Variants in NVL observed in about 807,000 individuals in gnomAD.
NVL encodes nuclear valosin-containing protein-like.
NVL carries 84 observed loss-of-function variants against 110.2 expected under a neutral mutation model. The observed-to-expected ratio is 0.76, with a 90% confidence interval of 0.64 to 0.91. The LOEUF (loss-of-function observed/expected upper bound fraction) is 0.91. Among genes scored for constraint, NVL ranks in the 40% least tolerant of loss-of-function variants. The pLI is 0.00. For missense variants in NVL, 882 were observed against 1,035.9 expected, an observed-to-expected ratio of 0.85 and a Z score of 2.04; for synonymous variants, 354 against 361.1, an observed-to-expected ratio of 0.98 and a Z score of 0.22.
chr1:224,272,589 C>T (rs1359191533), intron 17 of NVL, among the ~76,000 whole-genome samples: 1 of 151,748 alleles, frequency 6.6e-6, no homozygotes, highest in African/African-American at 2.4e-5. Context: ...TGGTGGCACA[C>T]ATCTGTAGTC....
chr1:224,301,504 A>C (rs902235200), intron 9 of NVL, among the ~76,000 whole-genome samples: 3 of 152,090 alleles, frequency 2.0e-5, no homozygotes, highest in Non-Finnish European at 4.4e-5. Context: ...CCTAACCCAG[A>C]GAGTAGCCAG....
intron 12 of NVL, among the ~76,000 whole-genome samples, chr1:224,293,171 G>A (rs1027071696): frequency 6.6e-6 from 1 of 151,168 alleles, no homozygotes; most frequent in African/African-American, 2.4e-5. Context: ...CCGGGTTCAC[G>A]CCATTCTCCT....
rs1666826775 is a variant in NVL at position 224,286,063 on chromosome 1, G to A, written c.1862C>T (p.Ala621Val). 6.2e-7 allele frequency: 1 copy of A among 1,614,092 alleles called. No homozygotes were observed. Among genetic ancestry groups the A allele is most frequent in the Non-Finnish European group, 8.5e-7 (1 of 1,179,986 alleles). Residue 621 changes from alanine to valine, a missense_variant, in exon 15 of 23, where the codon GCT (alanine) becomes GTT (valine). Transcript: ENST00000281701. ...AGTCTTCCCACAGCCAGGAGGACCAGCAAGGAGGACCCCAGCTGGAGTCAC... is the reference window on the plus strand; with the variant it reads ...AGTCTTCCCACAGCCAGGAGGACCAACAAGGAGGACCCCAGCTGGAGTCAC... ...GLVTPAGVLLAGPPGCGKTLL... is the reference protein window; with the variant it reads ...GLVTPAGVLLVGPPGCGKTLL...
intron 14 of NVL, 89 bp from the exon 15 acceptor site, chr1:224,286,219 T>G (rs1666848440): frequency 3.9e-6 from 4 of 1,036,728 alleles, no homozygotes; most frequent in Non-Finnish European, 4.3e-6. Flanking sequence ...TTTATGGTTT[T>G]TTTTTTTTTT....
At chr1:224,240,800 T>G (rs913536218) in intron 19 of NVL, among the ~76,000 whole-genome samples, 5 of 146,262 alleles carry the variant, frequency 3.4e-5, no homozygotes, top group Non-Finnish European at 7.5e-5. Flanking sequence ...TTTTTTTTTT[T>G]TTTTTTTTGA....
intron 18 of NVL, among the ~76,000 whole-genome samples, chr1:224,262,913 A>C (rs1279514766): frequency 2.6e-5 from 4 of 152,204 alleles, no homozygotes; most frequent in African/African-American, 4.8e-5. Flanking sequence ...CTATATTACA[A>C]TACTGGGAGA....
chr1:224,242,609 A>G (rs1006425360), intron 19 of NVL, among the ~76,000 whole-genome samples: 1 of 145,548 alleles, frequency 6.9e-6, no homozygotes, highest in African/African-American at 2.6e-5. Context: ...CTGGGACTAC[A>G]GGTGCACGCC....
chr1:224,287,909 T>C lies in NVL; in HGVS notation c.1660A>G (p.Asn554Asp), dbSNP rs1190268368. 4 of 1,613,972 alleles carry C rather than the reference T, an allele frequency of 2.5e-6. No individual in the cohort carries two copies. In the Admixed American group the frequency reaches 6.7e-5, roughly 27 times the overall value. ...EQMQGLCIEL[N>D]DFIVALSSVQ... ...GAGGATAGAGCAACAATGAAATCAT[T>C]CAGTTCAATGCACAGTCCTTGCATC... is the stretch of plus-strand genomic sequence containing the variant. Residue 554 changes from asparagine (N) to aspartate (D), a missense_variant, in exon 14 of 23, where the codon AAT (asparagine) becomes GAT (aspartate). By Grantham distance (23) the Asn-to-Asp change is conservative (BLOSUM62 1). Transcript: ENST00000281701.
At chr1:224,240,760 T>C (rs939237284) in intron 19 of NVL, among the ~76,000 whole-genome samples, 22 of 151,542 alleles carry the variant, frequency 1.5e-4, no homozygotes, top group African/African-American at 4.4e-4. Flanking sequence ...GTACCCTCAC[T>C]TGAAAGAAAG....
intron 18 of NVL, among the ~76,000 whole-genome samples, chr1:224,261,956 G>A (rs985540836): frequency 6.6e-6 from 1 of 152,102 alleles, no homozygotes; most frequent in African/African-American, 2.4e-5. Flanking sequence ...GTGAGACCCT[G>A]TCTCAAAAAT....
chr1:224,273,620 T>C (rs1470102717), intron 17 of NVL, among the ~76,000 whole-genome samples: 1 of 151,970 alleles, frequency 6.6e-6, no homozygotes, highest in Non-Finnish European at 1.5e-5. Context: ...CAGCTGACAG[T>C]AGAGAGCTTC....
chr1:224,302,773 G>A (rs747387212), intron 9 of NVL, among the ~76,000 whole-genome samples: 15 of 152,198 alleles, frequency 9.9e-5, no homozygotes, highest in Non-Finnish European at 2.1e-4. Context: ...TGGGAGGGCA[G>A]GTGCAGTGGC....
chr1:224,268,159 T>G lies in NVL; in HGVS notation c.2083-26A>C, dbSNP rs771380064. ...CTAAAAAGACATAAATCTGGTTCCATCAGCTCTCAATACAAAGGAAAAATA... is the reference window on the plus strand; with the variant it reads ...CTAAAAAGACATAAATCTGGTTCCAGCAGCTCTCAATACAAAGGAAAAATA... On this transcript the variant is annotated intron_variant, in intron 17 of 22. Coordinates refer to ENST00000281701, the MANE Select transcript of NVL (RefSeq NM_002533.4). 5 of 1,526,520 alleles carry G rather than the reference T, an allele frequency of 3.3e-6. No individual in the cohort carries two copies. In the Admixed American group the frequency reaches 8.7e-5, roughly 27 times the overall value. The allele number at this position is 1,526,520 out of a possible 1,614,324, so 94.6% of individuals were successfully genotyped here.
intron 4 of NVL, among the ~76,000 whole-genome samples, chr1:224,315,104 GGAGT>G (rs1669943822): frequency 6.6e-6 from 1 of 151,666 alleles, no homozygotes; most frequent in Non-Finnish European, 1.5e-5. Flanking sequence ...CACCCAGGCT[GGAGT>G]GCAGTGGCAT....
chr1:224,240,819 C>T (rs1431654854), intron 19 of NVL, among the ~76,000 whole-genome samples: 2 of 117,170 alleles, frequency 1.7e-5, no homozygotes, highest in East Asian at 5.8e-4. Context: ...GAGACAGAGT[C>T]TCGCCCTGTG....
Position 224,287,773 on chromosome 1 carries a change from A to C in NVL, c.1794+2T>G. On this transcript the variant is annotated splice_donor_variant, in intron 14 of 22. Coordinates refer to ENST00000281701, the MANE Select transcript of NVL (RefSeq NM_002533.4). LOFTEE classifies it high-confidence loss of function. ...ATAATATTTGGCAGCTGATATACCT[A>C]CCAATATTGCCATGGTGAGCTCCTC... 6.2e-7 allele frequency: 1 copy of C among 1,610,796 alleles called. No homozygotes were observed. Among genetic ancestry groups the C allele is most frequent in the Non-Finnish European group, 8.5e-7 (1 of 1,177,042 alleles).
At chr1:224,244,676 T>G (rs1661604374) in intron 19 of NVL, among the ~76,000 whole-genome samples, 1 of 147,488 alleles carries the variant, frequency 6.8e-6, no homozygotes, top group South Asian at 2.2e-4. Context: ...TTCGCCATGT[T>G]GGTCAGGCTG....
At chr1:224,321,108 G>A (rs1050635420) in intron 2 of NVL, among the ~76,000 whole-genome samples, 5 of 151,930 alleles carry the variant, frequency 3.3e-5, no homozygotes, top group African/African-American at 1.2e-4. Flanking sequence ...AAGAATCAGC[G>A]GGGCATGGTG....
At chr1:224,250,546 CTTACT>C (rs1238065238) in intron 18 of NVL, among the ~76,000 whole-genome samples, 1 of 151,674 alleles carries the variant, frequency 6.6e-6, no homozygotes, top group East Asian at 1.9e-4. Flanking sequence ...TTTTCTTTTA[CTTACT>C]TTAATTAATT....
Sources: gnomAD v4.1 joint callset for allele counts (sites outside exome capture counted in the v4.1 genomes callset) on GRCh38, gnomAD v4.1.1 for gene constraint, MANE v1.5 for transcripts, NCBI Gene and HGNC (gene_info 2026-07-23, HGNC 2026-07-21) for gene names.